FAAH2: variants seen among roughly 807,000 people sequenced by gnomAD.
The protein encoded by FAAH2 is fatty-acid amide hydrolase 2.
In FAAH2, 60 loss-of-function variants were observed where a neutral mutation model predicts 36.9. That is an observed-to-expected ratio of 1.63 (90% CI 1.32 to 2.02). FAAH2 has a LOEUF of 2.02. Among genes scored for constraint, FAAH2 ranks in the 30% most tolerant of loss-of-function variants. The pLI, the probability that FAAH2 is intolerant of heterozygous loss-of-function variation, is 0.00. For missense variants in FAAH2, 689 were observed against 397.5 expected (o/e 1.73, Z -6.23); for synonymous variants, 214 against 143.8 (o/e 1.49, Z -3.49).
At chrX:57,348,745 G>A (rs1408248571) in intron 5 of FAAH2, among the ~76,000 whole-genome samples, 1 of 110,802 alleles carries the variant, frequency 9.0e-6, no homozygotes, top group Non-Finnish European at 1.9e-5. Context: ...AAAGCCAAAG[G>A]GCTCAACACA....
At chrX:57,175,228 TA>T in the FAAH2 span, among the ~76,000 whole-genome samples, 3 of 111,779 alleles carry the variant, frequency 2.7e-5, no homozygotes, top group Non-Finnish European at 5.7e-5. Context: ...GGTCTGGTAG[TA>T]ATTGTTTTAT....
chrX:57,354,390 A>G (rs1381671858), intron 5 of FAAH2, among the ~76,000 whole-genome samples: 2 of 110,639 alleles, frequency 1.8e-5, no homozygotes, highest in Non-Finnish European at 3.8e-5. Flanking sequence ...TTTTACATGG[A>G]TGCAGAGAGT....
At chrX:57,481,851 C>G (rs999087123) in intron 10 of FAAH2, among the ~76,000 whole-genome samples, 19 of 111,935 alleles carry the variant, frequency 1.7e-4, no homozygotes, top group African/African-American at 6.2e-4. Context: ...GAAGCTGCTC[C>G]CACAGCTACC....
intron 7 of FAAH2, among the ~76,000 whole-genome samples, chrX:57,385,117 C>G (rs1474149204): frequency 9.1e-6 from 1 of 109,521 alleles, no homozygotes; most frequent in Non-Finnish European, 1.9e-5. Context: ...ACATCACACA[C>G]CAGGGCCTGT....
intron 10 of FAAH2, among the ~76,000 whole-genome samples, chrX:57,470,467 C>A (rs909356959): frequency 9.0e-6 from 1 of 111,500 alleles, no homozygotes; most frequent in African/African-American, 3.3e-5. Flanking sequence ...ATACTATAAG[C>A]ACCTCTATGC....
chrX:57,259,147 T>C, the FAAH2 span, among the ~76,000 whole-genome samples: 1 of 111,913 alleles, frequency 8.9e-6, no homozygotes, highest in Non-Finnish European at 1.9e-5. Context: ...ACATCATGGA[T>C]GGAAATGTAA....
intron 10 of FAAH2, among the ~76,000 whole-genome samples, chrX:57,473,284 C>G (rs1366623161): frequency 1.8e-5 from 2 of 110,867 alleles, no homozygotes; most frequent in African/African-American, 6.6e-5. Context: ...CATTGTTCAC[C>G]CAAAAATTAT....
At chrX:57,287,747 A>G (rs1442499139) in intron 1 of FAAH2, among the ~76,000 whole-genome samples, 1 of 111,715 alleles carries the variant, frequency 9.0e-6, no homozygotes, top group African/African-American at 3.3e-5. Context: ...ATCTTGAGCT[A>G]CAGTCTAGTA....
At chrX:57,466,429 A>G (rs2057052133) in intron 10 of FAAH2, among the ~76,000 whole-genome samples, 1 of 105,888 alleles carries the variant, frequency 9.4e-6, no homozygotes, top group Non-Finnish European at 1.9e-5. Flanking sequence ...TTAAAATAAT[A>G]TACTGGAAAA....
the FAAH2 span, among the ~76,000 whole-genome samples, chrX:57,214,216 C>T: frequency 9.8e-5 from 11 of 111,750 alleles, no homozygotes; most frequent in Admixed American, 1.9e-4. Flanking sequence ...TTCTTGTAAG[C>T]CACATAGCGT....
intron 10 of FAAH2, among the ~76,000 whole-genome samples, chrX:57,486,426 C>A (rs187100138): frequency 1.0e-3 from 112 of 111,699 alleles, no homozygotes; most frequent in African/African-American, 3.6e-3. Flanking sequence ...CATAAGGAAG[C>A]TGGCTAGGGA....
At chrX:57,160,868 G>C in the FAAH2 span, among the ~76,000 whole-genome samples, 1 of 111,791 alleles carries the variant, frequency 8.9e-6, no homozygotes, top group East Asian at 2.8e-4. Flanking sequence ...CTTCAGTTCT[G>C]CTCTGATCTT....
chrX:57,284,909 T>C (rs1056285002), upstream of FAAH2, among the ~76,000 whole-genome samples: 4 of 112,222 alleles, frequency 3.6e-5, no homozygotes, highest in Non-Finnish European at 7.5e-5. Flanking sequence ...ATCTAGGATT[T>C]GGATTCAGGT....
the FAAH2 span, among the ~76,000 whole-genome samples, chrX:57,162,577 T>C: frequency 9.0e-6 from 1 of 111,632 alleles, no homozygotes; most frequent in East Asian, 2.8e-4. Context: ...TTCTTTTTTC[T>C]CTAAACTTCC....
At chrX:57,278,714 C>G in the FAAH2 span, among the ~76,000 whole-genome samples, 2 of 110,974 alleles carry the variant, frequency 1.8e-5, no homozygotes, top group Admixed American at 1.9e-4. Context: ...ATCCACCTGA[C>G]AAAGGGCTAA....
intron 10 of FAAH2, among the ~76,000 whole-genome samples, chrX:57,487,572 G>A (rs1030742431): frequency 1.8e-5 from 2 of 111,936 alleles, no homozygotes; most frequent in African/African-American, 6.5e-5. Flanking sequence ...AAATCACAAG[G>A]AGTTATCAAT....
At chrX:57,345,105 G>A (rs972058128) in intron 5 of FAAH2, among the ~76,000 whole-genome samples, 1 of 98,701 alleles carries the variant, frequency 1.0e-5, no homozygotes, top group Admixed American at 1.1e-4. Flanking sequence ...ATGAGTTAAA[G>A]AGCATCCTCT....
chrX:57,367,713 A>C (rs181095204), intron 5 of FAAH2, among the ~76,000 whole-genome samples: 28 of 111,736 alleles, frequency 2.5e-4, no homozygotes, highest in Non-Finnish European at 4.9e-4. Flanking sequence ...TTCACTCAGA[A>C]CTAAGGGGGA....
the FAAH2 span, among the ~76,000 whole-genome samples, chrX:57,208,637 C>T: frequency 8.9e-6 from 1 of 111,742 alleles, no homozygotes; most frequent in South Asian, 3.8e-4. Context: ...AGTGGGAAAT[C>T]AGGGGTCTCA....
Sources: allele counts gnomAD v4.1 joint callset (sites outside exome capture counted in the v4.1 genomes callset), GRCh38; gene constraint gnomAD v4.1.1; transcripts MANE v1.5; gene names NCBI Gene and HGNC (gene_info 2026-07-23, HGNC 2026-07-21).